DNAH17: variants seen among roughly 807,000 people sequenced by gnomAD.
DNAH17 encodes the protein axonemal beta dynein heavy chain 17.
A neutral mutation model predicts 485.6 loss-of-function variants in DNAH17; 376 were observed. That is an observed-to-expected ratio of 0.77 (90% CI 0.71 to 0.84). The LOEUF (loss-of-function observed/expected upper bound fraction) is 0.84, where lower values mean the gene tolerates loss of function less well. Ranked by LOEUF, DNAH17 falls within the 40% of genes least tolerant of loss-of-function variation. The probability of loss-of-function intolerance (pLI) is 0.00; values close to 1 mark genes in which losing one functional copy is unlikely to be tolerated. For synonymous variants in DNAH17, 3,031 were observed against 2,405.9 expected (o/e 1.26, Z -7.60); for missense variants, 6,370 against 5,839.3 (o/e 1.09, Z -2.96).
At chr17:78,489,630 G>C (rs1279409401) in intron 44 of DNAH17, 1 of 152,162 alleles carries the variant, frequency 6.6e-6, no homozygotes, top group African/African-American at 2.4e-5. Flanking sequence ...ACGCGTCCTG[G>C]GTTCCCTTCT....
chr17:78,565,281 AT>A (rs1453748216), intron 11 of DNAH17, among the ~76,000 whole-genome samples: 1 of 152,194 alleles, frequency 6.6e-6, no homozygotes, highest in East Asian at 1.9e-4. Flanking sequence ...TAACTGAATA[AT>A]TTTTTCAACC....
chr17:78,546,535 G>A (rs16971523), intron 16 of DNAH17, among the ~76,000 whole-genome samples: 1 of 152,060 alleles, frequency 6.6e-6, no homozygotes, highest in Non-Finnish European at 1.5e-5. Context: ...ATTTGGATAG[G>A]AGAAATCCTG....
rs751081957 is a variant in DNAH17, at chr17:78,434,132, C to T, written c.12122G>A (p.Arg4041His). Reference sequence around the variant, plus strand: ...GTTCCAGCCCTGGGCGCCGAACTTGCGCCTCTCTGCCACCACAGCGTGGAA... The same window carrying T: ...GTTCCAGCCCTGGGCGCCGAACTTGTGCCTCTCTGCCACCACAGCGTGGAA... ...CYFHAVVAER[R>H]KFGAQGWNRS... The change falls in exon 75 of 81, where the codon CGC becomes CAC. Residue 4041 changes from arginine to histidine, a missense_variant. Physicochemically the swap from Arg to His is conservative, Grantham distance 29 (BLOSUM62 0). Coordinates refer to ENST00000389840, the MANE Select transcript of DNAH17 (RefSeq NM_173628.4). 2.4e-5 allele frequency: 38 copies of T among 1,613,534 alleles called. No individual in the cohort carries two copies. The highest frequency in any genetic ancestry group is 2.0e-4 in the South Asian group (18 of 91,090).
intron 21 of DNAH17, 31 bp downstream of exon 21, chr17:78,530,312 G>A (rs765800921): frequency 3.2e-6 from 5 of 1,576,936 alleles, no homozygotes; most frequent in Admixed American, 3.5e-5. Context: ...CACATTCCTT[G>A]GGCTCCCCGA....
Position 78,466,785 on chromosome 17 carries a change from A to T in DNAH17, c.8810T>A (p.Val2937Glu). 6.2e-7 allele frequency: 1 copy of T among 1,602,508 alleles called. No individual in the cohort carries two copies. Among genetic ancestry groups the T allele is most frequent in the Non-Finnish European group, 8.5e-7 (1 of 1,174,966 alleles). Residue 2937 changes from valine to glutamate, a missense_variant, in exon 56 of 81, where the codon GTG becomes GAG. Transcript: ENST00000389840. ...GAACTTTCTGGCTCGTACCCGCAGC[A>T]CGGAGCCCACAGGGGAGAAACACAG... ...VILCFSPVGS[V>E]LRVRARKFPA...
chr17:78,455,769 C>T lies in DNAH17; in HGVS notation c.10045G>A (p.Gly3349Arg), dbSNP rs1231584191. The T allele has an allele frequency of 1.7e-5, 28 of 1,613,404 alleles. No individual in the cohort carries two copies. Among genetic ancestry groups the T allele is most frequent in the Non-Finnish European group, 2.3e-5 (27 of 1,179,740 alleles). The change falls in exon 63 of 81, where the codon GGG (glycine) becomes AGG (arginine). Residue 3349 changes from glycine (G) to arginine (R), a missense_variant. Gly to Arg is a moderately radical substitution (Grantham distance 125, BLOSUM62 -2). Transcript: ENST00000389840. ...AESVENFRSQ[G>R]VTLCGDVLLI... Reference sequence around the variant, plus strand: ...AGGACGTCCCCACACAGCGTGACCCCCTGGCTCCTGAAGTTCTCCACAGAC... The same window carrying T: ...AGGACGTCCCCACACAGCGTGACCCTCTGGCTCCTGAAGTTCTCCACAGAC...
In DNAH17 at chr17:78,499,046, G is replaced by A. The variant is rs775503600; in HGVS notation, c.5707C>T (p.Arg1903Cys). 1 of 1,610,702 alleles carries A rather than the reference G, an allele frequency of 6.2e-7. No homozygotes were observed. The highest frequency in any genetic ancestry group is 8.5e-7 in the Non-Finnish European group (1 of 1,178,434). ...ACAGACAAGACTTCCACTGAGATGC[G>A]ATTAAACTCGTCAAAGCAGCCCCAG... ...GAWGCFDEFNRISVEVLSVIA... is the reference protein window; with the variant it reads ...GAWGCFDEFNCISVEVLSVIA... The change falls in exon 37 of 81, where the codon CGC (arginine) becomes TGC (cysteine). Residue 1903 changes from arginine (R) to cysteine (C), a missense_variant. Coordinates refer to ENST00000389840, the MANE Select transcript of DNAH17 (RefSeq NM_173628.4).
At chr17:78,492,156 C>T (rs1437609307) in intron 42 of DNAH17, among the ~76,000 whole-genome samples, 4 of 152,026 alleles carry the variant, frequency 2.6e-5, no homozygotes, top group Admixed American at 6.5e-5. Flanking sequence ...CTCCCGCTGA[C>T]TCCTCCTCAG....
chr17:78,526,533 G>T, intron 24 of DNAH17, 118 bp downstream of exon 24: 1 of 826,804 alleles, frequency 1.2e-6, no homozygotes, highest in East Asian at 2.7e-5. Context: ...CTCGTGCACG[G>T]CCCCAAGGTC....
chr17:78,559,251 C>T (rs1568253764), intron 13 of DNAH17, among the ~76,000 whole-genome samples: 1 of 152,224 alleles, frequency 6.6e-6, no homozygotes, highest in Non-Finnish European at 1.5e-5. Context: ...GACTTCCAGC[C>T]TTCTGTATCC....
At chr17:78,470,644 G>A (rs1036287589) in intron 54 of DNAH17, among the ~76,000 whole-genome samples, 1 of 152,148 alleles carries the variant, frequency 6.6e-6, no homozygotes, top group South Asian at 2.1e-4. Flanking sequence ...AGCCGATATT[G>A]TGCCATTGCA....
In DNAH17 at chr17:78,486,405, C is replaced by T. The variant is rs754142297; in HGVS notation, c.6920G>A (p.Arg2307His). 1.5e-5 allele frequency: 25 copies of T among 1,613,722 alleles called. No homozygotes were observed. The highest frequency in any genetic ancestry group is 4.4e-5 in the South Asian group (4 of 91,094). Reference protein sequence around the residue: ...KYLPTCLDKLRFGFKKITPVP... With the variant: ...KYLPTCLDKLHFGFKKITPVP... ...TGGCGTGATCTTCTTGAACCCAAAG[C>T]GCAACTTGTCCAGGCACGTGGGCAG... Residue 2307 changes from arginine (R) to histidine (H), a missense_variant, in exon 45 of 81, where the codon CGC (arginine) becomes CAC (histidine). Arg to His is a conservative substitution (Grantham distance 29, BLOSUM62 0). Coordinates refer to ENST00000389840, the MANE Select transcript of DNAH17 (RefSeq NM_173628.4).
chr17:78,482,796 A>G (rs8081163), intron 48 of DNAH17, among the ~76,000 whole-genome samples: 118,579 of 152,106 alleles, frequency 0.78, 46,482 homozygotes, highest in African/African-American at 0.85. Flanking sequence ...ATATTCTAGA[A>G]GGATCTTTTG....
At chr17:78,442,515 A>C (rs2087113425) in intron 71 of DNAH17, among the ~76,000 whole-genome samples, 2 of 152,254 alleles carry the variant, frequency 1.3e-5, no homozygotes, top group Admixed American at 1.3e-4. Context: ...AGGAACTTCC[A>C]GAACATATGA....
Position 78,517,263 on chromosome 17 carries a change from C to G in DNAH17, c.3865-2241G>C, listed in dbSNP as rs111573895. On this transcript the variant is annotated intron_variant, in intron 25 of 80. Transcript: ENST00000389840. ...TTTGCCATGTTGGCCAGACCGGTCT[C>G]AAACTCCCGGCCTCAAGTGATCCGC... Among the ~76,000 whole-genome samples the G allele has an allele frequency of 5.1e-3, 777 of 152,324 alleles. 8 individuals are homozygous for G. The highest frequency in any genetic ancestry group is 0.017 in the African/African-American group (706 of 41,582).
Position 78,474,531 on chromosome 17 carries a change from G to T in DNAH17, c.8511+747C>A, listed in dbSNP as rs926430507. 2.0e-5 allele frequency among the ~76,000 whole-genome samples: 3 copies of T among 152,362 alleles called. No homozygotes were observed. The East Asian group carries it at 5.8e-4, about 29-fold the overall frequency. ...GCATGCAGTTAGACACCCAGTCATG[G>T]CTCTGAATTCTGTAGTCTGGAGAGA... On this transcript the variant is annotated intron_variant, in intron 54 of 80. Coordinates refer to ENST00000389840, the MANE Select transcript of DNAH17 (RefSeq NM_173628.4).
Position 78,460,005 on chromosome 17 carries a change from C to A in DNAH17, c.9436-4G>T, listed in dbSNP as rs770783045. 6.2e-7 allele frequency: 1 copy of A among 1,612,528 alleles called. No individual in the cohort carries two copies. The highest frequency in any genetic ancestry group is 1.1e-5 in the South Asian group (1 of 91,016). On this transcript the variant is annotated splice_polypyrimidine_tract_variant and splice_region_variant and intron_variant, in intron 59 of 80. Coordinates refer to ENST00000389840, the MANE Select transcript of DNAH17 (RefSeq NM_173628.4). ...ACTTCAGCTCTGTCAGGTTGTTCTG[C>A]AAATGACAGACGGGATGGGTCCGAT... is the stretch of plus-strand genomic sequence containing the variant.
chr17:78,574,225 C>T (rs1000597841), intron 2 of DNAH17, among the ~76,000 whole-genome samples: 1 of 152,176 alleles, frequency 6.6e-6, no homozygotes, highest in African/African-American at 2.4e-5. Context: ...CATGATGGCT[C>T]ACGCCTATAA....
In DNAH17 at chr17:78,566,831, C is replaced by T. The variant is rs1448006780; in HGVS notation, c.1453-101G>A. 7.5e-5 allele frequency: 98 copies of T among 1,307,686 alleles called. No individual in the cohort carries two copies. In the Admixed American group the frequency reaches 1.4e-3, roughly 19 times the overall value. 81.0% of individuals were successfully genotyped at this position (1,307,686 alleles called of 1,614,324 possible). ...CTGCTGAGAGGACTCGGGACTGAGG[C>T]GCAGCTGAATGTGCTGTTGCGGGGA... On this transcript the variant is annotated intron_variant, in intron 10 of 80. Transcript: ENST00000389840.
Sources: gnomAD v4.1 joint callset for allele counts (sites outside exome capture counted in the v4.1 genomes callset) on GRCh38, gnomAD v4.1.1 for gene constraint, MANE v1.5 for transcripts, NCBI Gene and HGNC (gene_info 2026-07-23, HGNC 2026-07-21) for gene names.